Variants in CEP83 observed in about 807,000 individuals in gnomAD.
CEP83 encodes the protein centrosomal protein 83, also known as centrosomal protein of 83 kDa.
CEP83 carries 70 observed loss-of-function variants against 101.9 expected under a neutral mutation model. The ratio of observed to expected loss-of-function variants is 0.69; its 90% CI spans 0.57 to 0.84. CEP83 has a LOEUF of 0.84. Ranked by LOEUF, CEP83 falls within the 40% of genes least tolerant of loss-of-function variation. The pLI is 0.00. For synonymous variants in CEP83, 264 were observed against 267.9 expected (o/e 0.99, Z 0.14); for missense variants, 715 against 787.2 (o/e 0.91, Z 1.10).
chr12:94,395,975 C>T (rs1435745632), intron 6 of CEP83, among the ~76,000 whole-genome samples: 1 of 152,172 alleles, frequency 6.6e-6, no homozygotes, highest in Non-Finnish European at 1.5e-5. Context: ...AGTGACCTGT[C>T]ATTATGGACT....
At chr12:94,442,858 ATTC>A (rs890991136) in intron 1 of CEP83, among the ~76,000 whole-genome samples, 1 of 152,056 alleles carries the variant, frequency 6.6e-6, no homozygotes, top group African/African-American at 2.4e-5. Flanking sequence ...AATCCTACTG[ATTC>A]TTCTTCATCT....
chr12:94,423,808 T>A, intron 2 of CEP83: 1 of 1,613,730 alleles, frequency 6.2e-7, no homozygotes, highest in Non-Finnish European at 8.5e-7. Flanking sequence ...CACTTGGTTC[T>A]GTTGGCCGCT....
At chr12:94,281,235 C>T in the CEP83 span, among the ~76,000 whole-genome samples, 23 of 152,210 alleles carry the variant, frequency 1.5e-4, no homozygotes, top group South Asian at 2.1e-4. Context: ...GCCCAGATTG[C>T]GCCACTGTAC....
chr12:94,404,767 C>A (rs1254780039), intron 4 of CEP83, among the ~76,000 whole-genome samples: 3 of 152,084 alleles, frequency 2.0e-5, no homozygotes, highest in Non-Finnish European at 2.9e-5. Context: ...ACTAAAAAGT[C>A]TTCTCACTTC....
At chr12:94,303,887 G>T, downstream of CEP83, 1 of 1,608,548 alleles carries the variant, frequency 6.2e-7, no homozygotes, top group South Asian at 1.1e-5. Context: ...TTTTAACTCA[G>T]GAATCTAAGG....
At chr12:94,453,476 T>C (rs2067409678) in intron 1 of CEP83, among the ~76,000 whole-genome samples, 1 of 152,212 alleles carries the variant, frequency 6.6e-6, no homozygotes, top group Non-Finnish European at 1.5e-5. Flanking sequence ...TTCTTATCTA[T>C]CCTTATAGCA....
the CEP83 span, among the ~76,000 whole-genome samples, chr12:94,292,057 C>A: frequency 2.0e-5 from 3 of 152,198 alleles, no homozygotes; most frequent in African/African-American, 4.8e-5. Context: ...ATCGGTAATT[C>A]TTTCCTTTTA....
At chr12:94,385,714 C>G (rs2062105426) in intron 6 of CEP83, among the ~76,000 whole-genome samples, 1 of 152,026 alleles carries the variant, frequency 6.6e-6, no homozygotes, top group Non-Finnish European at 1.5e-5. Flanking sequence ...TTTTTCAGAG[C>G]TGGATTCTTT....
chr12:94,370,043 A>G lies in CEP83; in HGVS notation c.934-7T>C. 6.7e-7 allele frequency: 1 copy of G among 1,497,352 alleles called. No homozygotes were observed. Among genetic ancestry groups the G allele is most frequent in the Non-Finnish European group, 9.3e-7 (1 of 1,076,576 alleles). 92.8% of individuals were successfully genotyped at this position (1,497,352 alleles called of 1,614,324 possible). A position where few individuals can be genotyped will look rare whatever the true frequency, so the allele number is the denominator to read the frequency against. ...AATGTTTAAGTTCTTTTACCTGTTG[A>G]TAATTAAAAACTGAAATTACTATTG... On this transcript the variant is annotated splice_polypyrimidine_tract_variant and splice_region_variant and intron_variant, in intron 8 of 16. Transcript: ENST00000397809.
At chr12:94,414,210 T>C (rs968716326) in intron 2 of CEP83, among the ~76,000 whole-genome samples, 2 of 152,196 alleles carry the variant, frequency 1.3e-5, no homozygotes, top group South Asian at 2.1e-4. Context: ...ACCACAAAAT[T>C]ATCCTGCCAA....
At chr12:94,287,036 A>G in the CEP83 span, among the ~76,000 whole-genome samples, 32,556 of 152,166 alleles carry the variant, frequency 0.21, 4,008 homozygotes, top group Admixed American at 0.28. Flanking sequence ...TTTCCATGAC[A>G]ATAACCATGG....
At chr12:94,441,508 T>C (rs977770444) in intron 1 of CEP83, among the ~76,000 whole-genome samples, 1 of 151,856 alleles carries the variant, frequency 6.6e-6, no homozygotes, top group African/African-American at 2.4e-5. Context: ...AATTTAAAAA[T>C]CAAAAAATAA....
At chr12:94,312,607 T>C in intron 15 of CEP83, 2 of 985,422 alleles carry the variant, frequency 2.0e-6, no homozygotes, top group Non-Finnish European at 2.4e-6. Context: ...TTTTCAGAAC[T>C]ATGCAATAGC....
chr12:94,354,752 C>T (rs920200002), intron 11 of CEP83, among the ~76,000 whole-genome samples: 2 of 152,186 alleles, frequency 1.3e-5, no homozygotes, highest in Non-Finnish European at 2.9e-5. Context: ...TGGCTCACAC[C>T]TGTAATCCCA....
chr12:94,394,714 A>C (rs1308297075), intron 6 of CEP83, among the ~76,000 whole-genome samples: 1 of 152,170 alleles, frequency 6.6e-6, no homozygotes, highest in Non-Finnish European at 1.5e-5. Flanking sequence ...GAAAATTTTT[A>C]CAATCTACTC....
the CEP83 span, among the ~76,000 whole-genome samples, chr12:94,271,918 G>A: frequency 6.6e-6 from 1 of 152,150 alleles, no homozygotes; most frequent in Non-Finnish European, 1.5e-5. Context: ...GGGTGCCTGT[G>A]TGCTTATGTT....
chr12:94,272,581 G>A, the CEP83 span, among the ~76,000 whole-genome samples: 11 of 152,262 alleles, frequency 7.2e-5, no homozygotes, highest in East Asian at 7.7e-4. Context: ...GGCTGCCACC[G>A]CTCCAAGCAC....
chr12:94,296,844 A>G, the CEP83 span, among the ~76,000 whole-genome samples: 9 of 152,314 alleles, frequency 5.9e-5, no homozygotes, highest in East Asian at 1.5e-3. Context: ...CAGGGTGGGA[A>G]CTGGGTCTTA....
At chr12:94,372,005 G>A (rs900981958) in intron 8 of CEP83, among the ~76,000 whole-genome samples, 1 of 152,032 alleles carries the variant, frequency 6.6e-6, no homozygotes, top group Non-Finnish European at 1.5e-5. Context: ...ACAGAGTCTC[G>A]CTCTGTCGCC....
Sources: allele counts gnomAD v4.1 joint callset (sites outside exome capture counted in the v4.1 genomes callset), GRCh38; gene constraint gnomAD v4.1.1; transcripts MANE v1.5; gene names NCBI Gene and HGNC (gene_info 2026-07-23, HGNC 2026-07-21).